The following FOXP1 variants were observed in gnomAD, a reference collection of about 807,000 sequenced individuals.
FOXP1 encodes the protein forkhead box P1, also known as forkhead box protein P1.
FOXP1 carries 15 observed loss-of-function variants against 98.2 expected under a neutral mutation model. The ratio of observed to expected loss-of-function variants is 0.15; its 90% CI spans 0.10 to 0.24. The LOEUF (loss-of-function observed/expected upper bound fraction) is 0.24, where lower values mean the gene tolerates loss of function less well. Among genes scored for constraint, FOXP1 ranks in the 10% least tolerant of loss-of-function variants. The pLI is 1.00. For synonymous variants in FOXP1, 371 were observed against 314.5 expected, an observed-to-expected ratio of 1.18 and a Z score of -1.90; for missense variants, 633 against 848.5, an observed-to-expected ratio of 0.75 and a Z score of 3.15.
intron 7 of FOXP1, among the ~76,000 whole-genome samples, chr3:71,075,763 G>C (rs189452657): frequency 2.0e-5 from 3 of 151,778 alleles, no homozygotes; most frequent in Admixed American, 6.6e-5. Flanking sequence ...CACCCAGACT[G>C]GAGTGCAGTA....
intron 2 of FOXP1, among the ~76,000 whole-genome samples, chr3:71,507,828 T>G (rs1033546982): frequency 7.9e-5 from 12 of 152,172 alleles, no homozygotes; most frequent in African/African-American, 2.9e-4. Context: ...CCACCCACCT[T>G]GGCCTCCCAA....
intron 19 of FOXP1, 180 bp from the exon 20 acceptor site, chr3:70,966,236 A>C: frequency 3.0e-6 from 2 of 657,016 alleles, no homozygotes; most frequent in Non-Finnish European, 5.4e-6. Flanking sequence ...ACCTGTCCCA[A>C]GCTTGGTTTT....
intron 3 of FOXP1, among the ~76,000 whole-genome samples, chr3:71,427,505 C>T (rs902886540): frequency 6.6e-6 from 1 of 152,140 alleles, no homozygotes; most frequent in African/African-American, 2.4e-5. Context: ...GGCTAGGGAG[C>T]CTGGGCTCTC....
At chr3:71,198,434 G>GAAAAAAAAA in intron 5 of FOXP1, 42 bp from the exon 6 acceptor site, 1 of 605,008 alleles carries the variant, frequency 1.7e-6, no homozygotes, top group Non-Finnish European at 2.9e-6. Flanking sequence ...GAGGGGGGGA[G>GAAAAAAAAA]AAAAAAAAAG....
At chr3:71,510,016 T>C (rs2042087525) in intron 2 of FOXP1, among the ~76,000 whole-genome samples, 1 of 151,814 alleles carries the variant, frequency 6.6e-6, no homozygotes, top group Non-Finnish European at 1.5e-5. Context: ...CCATCTCTAC[T>C]AAAAATACAA....
intron 5 of FOXP1, among the ~76,000 whole-genome samples, chr3:71,205,584 C>G (rs1315656920): frequency 6.6e-6 from 1 of 152,150 alleles, no homozygotes; most frequent in African/African-American, 2.4e-5. Context: ...TGGAATCATT[C>G]CAGGTCTCAG....
intron 4 of FOXP1, among the ~76,000 whole-genome samples, chr3:71,336,754 A>G (rs1380911952): frequency 1.3e-5 from 2 of 152,218 alleles, no homozygotes; most frequent in Admixed American, 1.3e-4. Context: ...CAATATCACA[A>G]AAAGGAAGAC....
At chr3:71,109,348 G>T (rs1446763308) in intron 7 of FOXP1, among the ~76,000 whole-genome samples, 4 of 151,994 alleles carry the variant, frequency 2.6e-5, no homozygotes, top group African/African-American at 9.7e-5. Context: ...TGTGAAACCA[G>T]AGAGCGCTGC....
chr3:71,131,436 G>C (rs2059566557), intron 6 of FOXP1, among the ~76,000 whole-genome samples: 1 of 146,544 alleles, frequency 6.8e-6, no homozygotes, highest in Non-Finnish European at 1.5e-5. Flanking sequence ...GGAAGAAAAG[G>C]ATTCCTTCTG....
In FOXP1 at chr3:70,988,030, A is replaced by ATGCAGGTGGGTCATCATGGCT; in HGVS notation, c.1089_1109dup (p.Gln363_Leu369dup). 6.2e-7 allele frequency: 1 copy of ATGCAGGTGGGTCATCATGGCT among 1,614,086 alleles called. No homozygotes were observed. The highest frequency in any genetic ancestry group is 8.5e-7 in the Non-Finnish European group (1 of 1,179,962). ...CGGCTTTGGGTTCTGTAGACTTCAC[A>ATGCAGGTGGGTCATCATGGCT]TGCAGGTGGGTCATCATGGCTTGCA... On this transcript the variant is annotated inframe_insertion, in exon 14 of 21. Transcript: ENST00000649528.
intron 5 of FOXP1, among the ~76,000 whole-genome samples, chr3:71,257,397 G>A (rs2068719155): frequency 6.6e-6 from 1 of 152,000 alleles, no homozygotes; most frequent in Non-Finnish European, 1.5e-5. Context: ...GGCCAACACG[G>A]TGAAACCCCA....
chr3:70,977,939 G>A lies in FOXP1; in HGVS notation c.1237C>T (p.Pro413Ser), dbSNP rs2107317317. 6.2e-7 allele frequency: 1 copy of A among 1,614,158 alleles called. No individual in the cohort carries two copies. The highest frequency in any genetic ancestry group is 8.5e-7 in the Non-Finnish European group (1 of 1,180,022). The part of the protein sequence containing the change: ...LPHTPTTPTA[P>S]LTPVTQGPSV... ...GGGCCTTGGGTGACGGGAGTCAGGG[G>A]GGCGGTTGGGGTCGTTGGAGTATGA... Residue 413 changes from proline (P) to serine (S), a missense_variant, in exon 15 of 21, where the codon CCC becomes TCC. Physicochemically the swap from Pro to Ser is moderately conservative, Grantham distance 74. Transcript: ENST00000649528.
intron 7 of FOXP1, among the ~76,000 whole-genome samples, chr3:71,103,039 C>T (rs567493378): frequency 1.7e-4 from 26 of 152,144 alleles, no homozygotes; most frequent in African/African-American, 5.6e-4. Context: ...TAACTATTAT[C>T]TTTCTGGGAC....
chr3:71,410,449 T>C (rs2082648808), intron 3 of FOXP1, among the ~76,000 whole-genome samples: 1 of 152,224 alleles, frequency 6.6e-6, no homozygotes, highest in Admixed American at 6.5e-5. Context: ...ATGGTATGCT[T>C]CCAGTTGTGG....
intron 2 of FOXP1, among the ~76,000 whole-genome samples, chr3:71,551,704 G>C (rs2045792026): frequency 6.6e-6 from 1 of 152,096 alleles, no homozygotes; most frequent in African/African-American, 2.4e-5. Flanking sequence ...AATAGAGACA[G>C]GATCATTGCC....
At chr3:71,362,898 G>A (rs1242177273) in intron 3 of FOXP1, among the ~76,000 whole-genome samples, 2 of 152,144 alleles carry the variant, frequency 1.3e-5, no homozygotes, top group East Asian at 1.9e-4. Context: ...ATTAATAAAT[G>A]CTGTTGTATT....
intron 3 of FOXP1, among the ~76,000 whole-genome samples, chr3:71,462,470 A>G (rs2108545324): frequency 6.6e-6 from 1 of 152,258 alleles, no homozygotes; most frequent in African/African-American, 2.4e-5. Context: ...GCCTCACAGA[A>G]TCACGTATCC....
chr3:70,983,766 A>T (rs1394177445), intron 14 of FOXP1, among the ~76,000 whole-genome samples: 1 of 152,228 alleles, frequency 6.6e-6, no homozygotes, highest in African/African-American at 2.4e-5. Flanking sequence ...TGTTTTCCTG[A>T]CATAATGACA....
intron 5 of FOXP1, among the ~76,000 whole-genome samples, chr3:71,278,769 G>A (rs1404526229): frequency 6.6e-6 from 1 of 151,842 alleles, no homozygotes; most frequent in African/African-American, 2.4e-5. Flanking sequence ...GCGACAGAGC[G>A]AGACTCCATC....
Sources: allele counts gnomAD v4.1 joint callset (sites outside exome capture counted in the v4.1 genomes callset), GRCh38; gene constraint gnomAD v4.1.1; transcripts MANE v1.5; gene names NCBI Gene and HGNC (gene_info 2026-07-23, HGNC 2026-07-21).